The following C1orf21 variants were observed in gnomAD, a reference collection of about 807,000 sequenced individuals.
The protein encoded by C1orf21 is chromosome 1 open reading frame 21.
A neutral mutation model predicts 18.7 loss-of-function variants in C1orf21; 3 were observed. That is an observed-to-expected ratio of 0.16 (90% confidence interval 0.07 to 0.42). The LOEUF is 0.42. Among genes scored for constraint, C1orf21 ranks in the 10% least tolerant of loss-of-function variants. The probability of loss-of-function intolerance (pLI) is 0.99; values close to 1 mark genes in which losing one functional copy is unlikely to be tolerated. For synonymous variants in C1orf21, 41 were observed against 46.4 expected (o/e 0.88, Z 0.47); for missense variants, 104 against 143.6 (o/e 0.72, Z 1.41).
intron 1 of C1orf21, among the ~76,000 whole-genome samples, chr1:184,405,197 CT>C (rs995881200): frequency 1.3e-5 from 2 of 149,778 alleles, no homozygotes; most frequent in Non-Finnish European, 3.0e-5. Context: ...GCTAATAATT[CT>C]TTTTTTTTTC....
chr1:184,574,785 G>A (rs944430904), intron 3 of C1orf21, among the ~76,000 whole-genome samples: 2 of 152,138 alleles, frequency 1.3e-5, no homozygotes, highest in Non-Finnish European at 2.9e-5. Context: ...AGTCTCAGAG[G>A]GAAGAGCCGT....
In C1orf21 at chr1:184,456,741, T is replaced by G. The variant is rs144418961; in HGVS notation, c.-124-20645T>G. On this transcript the variant is annotated intron_variant, in intron 1 of 5. Transcript: ENST00000235307. ...TTGACTCCATCCGATAGGCACACTTTGTAACTTTATCTCCTATGCTTGGCT... is the reference window on the plus strand; with the variant it reads ...TTGACTCCATCCGATAGGCACACTTGGTAACTTTATCTCCTATGCTTGGCT... 8.5e-5 allele frequency among the ~76,000 whole-genome samples: 13 copies of G among 152,354 alleles called. No homozygotes were observed. The East Asian group carries it at 2.3e-3, about 27-fold the overall frequency.
At chr1:184,394,705 GT>G (rs1656023184) in intron 1 of C1orf21, among the ~76,000 whole-genome samples, 1 of 152,146 alleles carries the variant, frequency 6.6e-6, no homozygotes, top group African/African-American at 2.4e-5. Flanking sequence ...GACTTCAGTG[GT>G]TCTATCTCAA....
At chr1:184,588,981 T>G (rs1263415630) in intron 3 of C1orf21, among the ~76,000 whole-genome samples, 1 of 152,156 alleles carries the variant, frequency 6.6e-6, no homozygotes, top group East Asian at 1.9e-4. Context: ...CCTTCCTTAC[T>G]TAGCAACCAC....
intron 1 of C1orf21, among the ~76,000 whole-genome samples, chr1:184,414,967 T>C (rs1348523698): frequency 6.6e-6 from 1 of 152,210 alleles, no homozygotes; most frequent in African/African-American, 2.4e-5. Flanking sequence ...TAGAGGTACG[T>C]GTGATGAAGG....
chr1:184,593,751 C>T (rs56350837), intron 4 of C1orf21, among the ~76,000 whole-genome samples: 19,506 of 152,086 alleles, frequency 0.13, 1,424 homozygotes, highest in East Asian at 0.2. Flanking sequence ...CAGGAGGTTG[C>T]GTGAATGCAC....
intron 5 of C1orf21, among the ~76,000 whole-genome samples, chr1:184,608,176 T>C (rs1659676437): frequency 6.6e-6 from 1 of 152,206 alleles, no homozygotes; most frequent in African/African-American, 2.4e-5. Context: ...GTACAAAATA[T>C]TACTAGTTCT....
At chr1:184,460,257 A>C (rs548332497) in intron 1 of C1orf21, among the ~76,000 whole-genome samples, 2 of 152,270 alleles carry the variant, frequency 1.3e-5, no homozygotes, top group African/African-American at 2.4e-5. Context: ...TAAATCCCCC[A>C]AATCCCAATG....
intron 2 of C1orf21, among the ~76,000 whole-genome samples, chr1:184,478,313 C>A (rs1657602023): frequency 6.6e-6 from 1 of 151,848 alleles, no homozygotes; most frequent in Non-Finnish European, 1.5e-5. Flanking sequence ...ATCTTTTAAC[C>A]TCTCTCTGTT....
intron 3 of C1orf21, among the ~76,000 whole-genome samples, chr1:184,573,461 G>A (rs531907062): frequency 1.2e-4 from 18 of 152,242 alleles, no homozygotes; most frequent in African/African-American, 4.3e-4. Flanking sequence ...TGATGAATCC[G>A]ATTTTTCCGA....
At chr1:184,509,756 C>A (rs10797974) in intron 3 of C1orf21, among the ~76,000 whole-genome samples, 94,838 of 152,030 alleles carry the variant, frequency 0.62, 31,862 homozygotes, top group African/African-American at 0.9. Context: ...ACTTATTTTA[C>A]GAATGATACT....
At chr1:184,523,128 C>T (rs1169092775) in intron 3 of C1orf21, among the ~76,000 whole-genome samples, 1 of 152,114 alleles carries the variant, frequency 6.6e-6, no homozygotes, top group East Asian at 1.9e-4. Flanking sequence ...ATAGTCTACC[C>T]TTGAGGAGGT....
intron 5 of C1orf21, among the ~76,000 whole-genome samples, chr1:184,613,595 C>A (rs896833807): frequency 6.6e-6 from 1 of 152,104 alleles, no homozygotes; most frequent in Non-Finnish European, 1.5e-5. Flanking sequence ...GTTTTCTTCC[C>A]TTACTAAAGT....
At chr1:184,602,870 G>C (rs1659603351) in intron 5 of C1orf21, among the ~76,000 whole-genome samples, 1 of 152,212 alleles carries the variant, frequency 6.6e-6, no homozygotes, top group Non-Finnish European at 1.5e-5. Flanking sequence ...CTGATGACCA[G>C]GGAGTCCTTG....
At chr1:184,539,876 A>G (rs1388903533) in intron 3 of C1orf21, 1 of 152,322 alleles carries the variant, frequency 6.6e-6, no homozygotes, top group East Asian at 1.9e-4. Context: ...CATTCTGCCT[A>G]CCATGGTGAC....
intron 1 of C1orf21, among the ~76,000 whole-genome samples, chr1:184,445,362 C>CTCTCTCTCTCTA (rs1657013070): frequency 6.6e-6 from 1 of 151,850 alleles, no homozygotes; most frequent in Admixed American, 6.6e-5. Flanking sequence ...CTCTCTCTCT[C>CTCTCTCTCTCTA]TCTCTCTCTC....
chr1:184,495,252 G>A (rs1657874278), intron 2 of C1orf21, among the ~76,000 whole-genome samples: 1 of 152,088 alleles, frequency 6.6e-6, no homozygotes, highest in African/African-American at 2.4e-5. Context: ...ACACTCTTTT[G>A]TTCCTCATGG....
At chr1:184,608,729 G>A (rs1215293117) in intron 5 of C1orf21, among the ~76,000 whole-genome samples, 7 of 152,146 alleles carry the variant, frequency 4.6e-5, no homozygotes, top group Non-Finnish European at 1.0e-4. Flanking sequence ...CCCAGAAAAT[G>A]GATTAATCAG....
chr1:184,506,202 T>TA (rs1658059296), intron 2 of C1orf21, among the ~76,000 whole-genome samples: 2 of 152,202 alleles, frequency 1.3e-5, no homozygotes, highest in African/African-American at 2.4e-5. Context: ...AACTCTAAAT[T>TA]GTCAGGTGGA....
Sources: gnomAD v4.1 joint callset for allele counts (sites outside exome capture counted in the v4.1 genomes callset) on GRCh38, gnomAD v4.1.1 for gene constraint, MANE v1.5 for transcripts, NCBI Gene and HGNC (gene_info 2026-07-23, HGNC 2026-07-21) for gene names.